The following OXR1 variants were observed in gnomAD, a reference collection of about 807,000 sequenced individuals.
OXR1 encodes the protein oxidation resistance protein 1.
OXR1 carries 41 observed loss-of-function variants against 104.6 expected under a neutral mutation model. The observed-to-expected ratio is 0.39, with a 90% CI of 0.31 to 0.51. The LOEUF is 0.51. Among genes scored for constraint, OXR1 ranks in the 20% least tolerant of loss-of-function variants. The pLI is 0.77. For synonymous variants in OXR1, 348 were observed against 348.4 expected (o/e 1.00, Z 0.01); for missense variants, 955 against 1,031.9 (o/e 0.93, Z 1.02).
chr8:106,668,465 T>G (rs1485235171), intron 3 of OXR1, among the ~76,000 whole-genome samples: 1 of 152,200 alleles, frequency 6.6e-6, no homozygotes, highest in African/African-American at 2.4e-5. Flanking sequence ...TGTGGAATAA[T>G]CTTTTAGGAA....
intron 3 of OXR1, among the ~76,000 whole-genome samples, chr8:106,672,322 G>GAAA (rs56755421): frequency 7.3e-6 from 1 of 136,700 alleles, no homozygotes; most frequent in Non-Finnish European, 1.6e-5. Context: ...TACTAAAAAT[G>GAAA]AAAAAAAAAA....
At chr8:106,362,135 G>A (rs1183165515) in intron 2 of OXR1, among the ~76,000 whole-genome samples, 2 of 152,136 alleles carry the variant, frequency 1.3e-5, no homozygotes, top group African/African-American at 2.4e-5. Flanking sequence ...TGTTTGCCCC[G>A]ATGATTCTGA....
chr8:106,459,539 GA>G (rs34666872), intron 2 of OXR1, among the ~76,000 whole-genome samples: 25 of 148,896 alleles, frequency 1.7e-4, no homozygotes, highest in African/African-American at 2.7e-4. Flanking sequence ...ACTCTTATCT[GA>G]AAAAAAAAAT....
chr8:106,594,038 G>A (rs980411340), intron 3 of OXR1, among the ~76,000 whole-genome samples: 27 of 152,186 alleles, frequency 1.8e-4, no homozygotes, highest in Non-Finnish European at 2.9e-4. Context: ...ATGTTGAAGT[G>A]TTAGGACACT....
rs1811737589 is a variant in OXR1 at position 106,270,280 on chromosome 8, C to G, written c.-226C>G. ...CGGCCACAGGAGCTCAGCGCCGGCG[C>G]CGCGCCGCCCAGCCCCGCCGAGAGG... On this transcript the variant is annotated 5_prime_UTR_variant, in exon 1 of 17. Transcript: ENST00000517566. 1 of 151,868 alleles carries G rather than the reference C, an allele frequency of 6.6e-6. No individual in the cohort carries two copies. Among genetic ancestry groups the G allele is most frequent in the South Asian group, 2.1e-4 (1 of 4,862 alleles). 9.4% of individuals were successfully genotyped at this position (151,868 alleles called of 1,614,324 possible).
chr8:106,437,083 A>G lies in OXR1; in HGVS notation c.23+77447A>G, dbSNP rs542281979. 2.0e-5 allele frequency among the ~76,000 whole-genome samples: 3 copies of G among 152,304 alleles called. 1 individual carries two copies. The South Asian group carries it at 6.2e-4, about 32-fold the overall frequency. On this transcript the variant is annotated intron_variant, in intron 2 of 16. Transcript: ENST00000517566. ...CTCAGATCCAGATTCATAAGGCTCCAAAATACTTTCTCTTACCCTTTATGC... is the reference window on the plus strand; with the variant it reads ...CTCAGATCCAGATTCATAAGGCTCCGAAATACTTTCTCTTACCCTTTATGC...
chr8:106,496,708 G>C (rs1197760462), intron 2 of OXR1, among the ~76,000 whole-genome samples: 2 of 152,340 alleles, frequency 1.3e-5, no homozygotes, highest in East Asian at 1.9e-4. Context: ...GGGAGCTAAT[G>C]ATGACTAACA....
chr8:106,523,998 G>A (rs6992639), intron 3 of OXR1, among the ~76,000 whole-genome samples: 3,269 of 151,984 alleles, frequency 0.022, 128 homozygotes, highest in African/African-American at 0.074. Flanking sequence ...GGATGATCTC[G>A]ATCTCCTGAC....
intron 3 of OXR1, among the ~76,000 whole-genome samples, chr8:106,570,730 T>A (rs1817414093): frequency 6.6e-6 from 1 of 152,170 alleles, no homozygotes; most frequent in African/African-American, 2.4e-5. Flanking sequence ...CCCAGATGCC[T>A]GTCTTGTTGA....
intron 3 of OXR1, among the ~76,000 whole-genome samples, chr8:106,526,691 C>T (rs913301039): frequency 5.9e-5 from 9 of 152,266 alleles, no homozygotes; most frequent in African/African-American, 1.7e-4. Flanking sequence ...TACAGGCGTC[C>T]GCCACCACGC....
At chr8:106,420,263 A>G (rs1365408854) in intron 2 of OXR1, among the ~76,000 whole-genome samples, 1 of 152,014 alleles carries the variant, frequency 6.6e-6, no homozygotes, top group Non-Finnish European at 1.5e-5. Context: ...TGTTTGTAGA[A>G]TTCATGTTCT....
intron 6 of OXR1, among the ~76,000 whole-genome samples, chr8:106,684,981 A>G (rs1377103701): frequency 6.6e-6 from 1 of 152,042 alleles, no homozygotes; most frequent in Non-Finnish European, 1.5e-5. Flanking sequence ...GATATTATTA[A>G]TAACTATTTT....
At chr8:106,440,742 G>A (rs1437296894) in intron 2 of OXR1, among the ~76,000 whole-genome samples, 1 of 152,016 alleles carries the variant, frequency 6.6e-6, no homozygotes, top group Non-Finnish European at 1.5e-5. Flanking sequence ...TTCAGCAGTT[G>A]GGATTTTTAA....
At chr8:106,390,884 A>T (rs1168917638) in intron 2 of OXR1, among the ~76,000 whole-genome samples, 1 of 152,150 alleles carries the variant, frequency 6.6e-6, no homozygotes, top group East Asian at 1.9e-4. Flanking sequence ...TGGAAATTTT[A>T]ATTTGCTCTT....
At chr8:106,634,827 C>T (rs994921173) in intron 3 of OXR1, among the ~76,000 whole-genome samples, 14 of 150,000 alleles carry the variant, frequency 9.3e-5, no homozygotes, top group African/African-American at 3.4e-4. Context: ...GTAACAAGCT[C>T]TTGGCATGCA....
chr8:106,627,226 C>A (rs1300275304), intron 3 of OXR1, among the ~76,000 whole-genome samples: 2 of 152,154 alleles, frequency 1.3e-5, no homozygotes, highest in Non-Finnish European at 2.9e-5. Context: ...CATAAGAGAA[C>A]ATTCCTTCCA....
At chr8:106,713,393 A>G (rs1303736794) in intron 10 of OXR1, among the ~76,000 whole-genome samples, 1 of 151,892 alleles carries the variant, frequency 6.6e-6, no homozygotes, top group African/African-American at 2.4e-5. Flanking sequence ...AAATTTAAGG[A>G]CATTACATTT....
chr8:106,712,330 T>G (rs960766174), intron 10 of OXR1, among the ~76,000 whole-genome samples: 1 of 152,108 alleles, frequency 6.6e-6, no homozygotes, highest in Non-Finnish European at 1.5e-5. Context: ...CCAGTCTTTA[T>G]AATCATTTCC....
chr8:106,593,857 T>C (rs1274581475), intron 3 of OXR1, among the ~76,000 whole-genome samples: 2 of 152,234 alleles, frequency 1.3e-5, no homozygotes, highest in African/African-American at 2.4e-5. Context: ...TATGGTATGC[T>C]TTACTCATTT....
Sources: allele counts gnomAD v4.1 joint callset (sites outside exome capture counted in the v4.1 genomes callset), GRCh38; gene constraint gnomAD v4.1.1; transcripts MANE v1.5; gene names NCBI Gene and HGNC (gene_info 2026-07-23, HGNC 2026-07-21).